ZC3H12B: variants seen among roughly 807,000 people sequenced by gnomAD.
ZC3H12B encodes zinc finger CCCH-type containing 12B, also known as probable ribonuclease ZC3H12B.
In ZC3H12B, 7 loss-of-function variants were observed where a neutral mutation model predicts 43.9. The observed-to-expected ratio is 0.16, with a 90% confidence interval of 0.09 to 0.30. The LOEUF (loss-of-function observed/expected upper bound fraction) is 0.30. ZC3H12B is among the 10% of genes least tolerant of loss of function. The pLI is 1.00. For missense variants in ZC3H12B, 475 were observed against 670.2 expected (o/e 0.71, Z 3.22); for synonymous variants, 222 against 241.7 (o/e 0.92, Z 0.76).
At chrX:65,066,744 C>T in the ZC3H12B span, among the ~76,000 whole-genome samples, 1 of 111,986 alleles carries the variant, frequency 8.9e-6, no homozygotes, top group African/African-American at 3.2e-5. Context: ...CACCCACTTG[C>T]TCCTTCCCTC....
the ZC3H12B span, among the ~76,000 whole-genome samples, chrX:65,099,193 A>T: frequency 1.8e-5 from 2 of 111,974 alleles, no homozygotes; most frequent in Non-Finnish European, 3.8e-5. Context: ...CATCTCTGAA[A>T]GAAAGGCAGC....
chrX:65,112,474 C>G, the ZC3H12B span, among the ~76,000 whole-genome samples: 4 of 111,934 alleles, frequency 3.6e-5, no homozygotes, highest in African/African-American at 9.7e-5. Context: ...GAGCTGCCAT[C>G]TAGGAGAAGT....
chrX:65,456,867 G>A (rs752419189), intron 3 of ZC3H12B, among the ~76,000 whole-genome samples: 8,521 of 108,223 alleles, frequency 0.079, 1,006 homozygotes, highest in African/African-American at 0.28. Context: ...CCGCCACCCC[G>A]TCTGGGAAGT....
intron 1 of ZC3H12B, among the ~76,000 whole-genome samples, chrX:65,368,472 G>A (rs917272825): frequency 1.5e-4 from 17 of 111,740 alleles, no homozygotes; most frequent in South Asian, 7.4e-4. Context: ...CTGTTCATCC[G>A]TGGTTCTCTT....
chrX:65,327,393 T>G, the ZC3H12B span, among the ~76,000 whole-genome samples: 467 of 111,658 alleles, frequency 4.2e-3, 1 homozygote, highest in African/African-American at 0.015. Context: ...AAAAGATTGA[T>G]TCTTCCAGAA....
At chrX:65,294,404 A>G in the ZC3H12B span, among the ~76,000 whole-genome samples, 1 of 111,855 alleles carries the variant, frequency 8.9e-6, no homozygotes, top group African/African-American at 3.2e-5. Flanking sequence ...AGGACCTCAT[A>G]AAGGCATAAA....
the ZC3H12B span, among the ~76,000 whole-genome samples, chrX:65,105,197 G>T: frequency 9.1e-6 from 1 of 109,609 alleles, no homozygotes; most frequent in Non-Finnish European, 1.9e-5. Context: ...GGTGGGAGTT[G>T]AACAATGAGA....
At chrX:65,437,721 T>C (rs892350356) in intron 3 of ZC3H12B, among the ~76,000 whole-genome samples, 1 of 112,164 alleles carries the variant, frequency 8.9e-6, no homozygotes, top group Non-Finnish European at 1.9e-5. Context: ...GACTCTTTCT[T>C]TTTTTTCTGT....
the ZC3H12B span, among the ~76,000 whole-genome samples, chrX:65,054,239 T>C: frequency 8.9e-6 from 1 of 112,137 alleles, no homozygotes; most frequent in Non-Finnish European, 1.9e-5. Context: ...TTTATGGTTT[T>C]AGGTCTAACA....
At chrX:65,037,266 A>AT in the ZC3H12B span, among the ~76,000 whole-genome samples, 1 of 111,644 alleles carries the variant, frequency 9.0e-6, no homozygotes, top group Non-Finnish European at 1.9e-5. Flanking sequence ...TGTAGGCTGG[A>AT]TTTTTCTGAG....
upstream of ZC3H12B, among the ~76,000 whole-genome samples, chrX:65,363,877 C>T (rs954755637): frequency 9.0e-6 from 1 of 111,612 alleles, no homozygotes; most frequent in Non-Finnish European, 1.9e-5. Context: ...GACACATATA[C>T]TTTGTGCTCC....
At chrX:65,152,384 T>A in the ZC3H12B span, among the ~76,000 whole-genome samples, 1 of 111,605 alleles carries the variant, frequency 9.0e-6, no homozygotes, top group African/African-American at 3.3e-5. Context: ...TTCAGCAAAG[T>A]CTCAGGATAC....
the ZC3H12B span, among the ~76,000 whole-genome samples, chrX:65,087,416 G>C: frequency 2.7e-5 from 3 of 112,437 alleles, no homozygotes; most frequent in Admixed American, 2.8e-4. Context: ...ACTGGCACGG[G>C]AGTTGAAGAT....
the ZC3H12B span, among the ~76,000 whole-genome samples, chrX:65,233,425 ACAAAT>A: frequency 9.0e-6 from 1 of 111,443 alleles, no homozygotes. Context: ...GAATAAAACT[ACAAAT>A]CAATAATAAG....
At chrX:65,384,732 TA>T (rs1334864363) in intron 2 of ZC3H12B, among the ~76,000 whole-genome samples, 4 of 111,851 alleles carry the variant, frequency 3.6e-5, no homozygotes, top group African/African-American at 9.7e-5. Flanking sequence ...GAATTGATTT[TA>T]AAAAGACCCA....
chrX:65,204,468 G>A, the ZC3H12B span, among the ~76,000 whole-genome samples: 574 of 111,748 alleles, frequency 5.1e-3, 2 homozygotes, highest in African/African-American at 0.016. Flanking sequence ...TCAATGATTA[G>A]TATCTATTAT....
chrX:65,169,975 G>C, the ZC3H12B span, among the ~76,000 whole-genome samples: 1 of 111,876 alleles, frequency 8.9e-6, no homozygotes, highest in East Asian at 2.8e-4. Flanking sequence ...GATGGGTCTT[G>C]ACTCTTTATC....
At chrX:65,112,267 A>G in the ZC3H12B span, among the ~76,000 whole-genome samples, 2 of 112,040 alleles carry the variant, frequency 1.8e-5, no homozygotes, top group Non-Finnish European at 3.8e-5. Flanking sequence ...CGGAATAAAA[A>G]TTGGAAGCTA....
chrX:65,194,067 G>A, the ZC3H12B span, among the ~76,000 whole-genome samples: 3 of 109,323 alleles, frequency 2.7e-5, no homozygotes, highest in South Asian at 8.0e-4. Context: ...GCAGTGGCAC[G>A]GGGGTAATGC....
Sources: gnomAD v4.1 joint callset for allele counts (sites outside exome capture counted in the v4.1 genomes callset) on GRCh38, gnomAD v4.1.1 for gene constraint, MANE v1.5 for transcripts, NCBI Gene and HGNC (gene_info 2026-07-23, HGNC 2026-07-21) for gene names.